The following DOCK3 variants were observed in gnomAD, a reference collection of about 807,000 sequenced individuals.
The protein encoded by DOCK3 is dedicator of cytokinesis 3.
A neutral mutation model predicts 265.6 loss-of-function variants in DOCK3; 60 were observed. That is an observed-to-expected ratio of 0.23 (90% CI 0.18 to 0.28). The LOEUF is 0.28. Ranked by LOEUF, DOCK3 falls within the 10% of genes least tolerant of loss-of-function variation. DOCK3 has a pLI of 1.00. For synonymous variants in DOCK3, 881 were observed against 938.0 expected (o/e 0.94, Z 1.11); for missense variants, 1,981 against 2,594.3 (o/e 0.76, Z 5.14).
intron 1 of DOCK3, among the ~76,000 whole-genome samples, chr3:50,681,992 T>G (rs1014920824): frequency 6.6e-6 from 1 of 152,262 alleles, no homozygotes; most frequent in African/African-American, 2.4e-5. Context: ...AATGAGAACA[T>G]TCTTCCTTAT....
chr3:51,222,614 G>A (rs941000698), intron 14 of DOCK3, among the ~76,000 whole-genome samples: 3 of 152,142 alleles, frequency 2.0e-5, no homozygotes, highest in Non-Finnish European at 2.9e-5. Flanking sequence ...TACCTAACCT[G>A]ACTGAGAATA....
chr3:51,126,263 G>A (rs1477768021), intron 9 of DOCK3, among the ~76,000 whole-genome samples: 1 of 152,146 alleles, frequency 6.6e-6, no homozygotes, highest in African/African-American at 2.4e-5. Context: ...GTCGCAAAGG[G>A]CCTATGTAGG....
At chr3:50,934,927 C>G (rs951682767) in intron 5 of DOCK3, among the ~76,000 whole-genome samples, 4 of 151,982 alleles carry the variant, frequency 2.6e-5, no homozygotes, top group African/African-American at 9.7e-5. Context: ...CAACAAAAAG[C>G]CCTGGGTAAA....
chr3:51,267,528 G>A (rs2080262152), intron 23 of DOCK3, among the ~76,000 whole-genome samples: 1 of 151,972 alleles, frequency 6.6e-6, no homozygotes, highest in Non-Finnish European at 1.5e-5. Flanking sequence ...GGGATTACAG[G>A]CGCATGCCAC....
chr3:50,766,352 T>C (rs1310223544), intron 1 of DOCK3, among the ~76,000 whole-genome samples: 1 of 142,670 alleles, frequency 7.0e-6, no homozygotes, highest in Non-Finnish European at 1.5e-5. Context: ...AATACCCACC[T>C]ATGAGTGAGA....
At chr3:50,749,219 T>C (rs2039637373) in intron 1 of DOCK3, among the ~76,000 whole-genome samples, 1 of 152,180 alleles carries the variant, frequency 6.6e-6, no homozygotes, top group African/African-American at 2.4e-5. Context: ...TTAATTAAAA[T>C]ATTGTTTTGC....
intron 2 of DOCK3, chr3:50,787,927 G>T (rs1379464127): frequency 3.9e-6 from 4 of 1,026,814 alleles, no homozygotes; most frequent in Admixed American, 3.6e-5. Flanking sequence ...CCTCCACTAT[G>T]ATCTGCTCCC....
chr3:50,675,882 CG>C lies in DOCK3; in HGVS notation c.37+584del, dbSNP rs1453135912. Among the ~76,000 whole-genome samples, 4 of 149,804 alleles carry C rather than the reference CG, an allele frequency of 2.7e-5. No homozygotes were observed. The highest frequency in any genetic ancestry group is 6.0e-5 in the Non-Finnish European group (4 of 66,798). Reference sequence around the variant, plus strand: ...TTTTGGACATGTATCAATGTTTATACGGTTTTTTTTTTAAACCCTGTTTTCA... The same window carrying C: ...TTTTGGACATGTATCAATGTTTATACGTTTTTTTTTTAAACCCTGTTTTCA... On this transcript the variant is annotated intron_variant, in intron 1 of 52. Transcript: ENST00000266037. The surrounding 1 kb of genome is among the most constrained non-coding windows in gnomAD (Gnocchi z 6.1).
chr3:50,874,078 T>G (rs1290074641), intron 3 of DOCK3, among the ~76,000 whole-genome samples: 2 of 149,852 alleles, frequency 1.3e-5, no homozygotes, highest in African/African-American at 2.4e-5. Context: ...TTTTTTTTTT[T>G]TTGTTAAATT....
At chr3:51,031,428 A>G (rs192162175) in intron 5 of DOCK3, among the ~76,000 whole-genome samples, 3 of 152,152 alleles carry the variant, frequency 2.0e-5, no homozygotes, top group African/African-American at 7.2e-5. Flanking sequence ...CACCAGCCTT[A>G]AAGTCTCTGA....
At chr3:51,220,374 G>T (rs2108292805) in intron 14 of DOCK3, among the ~76,000 whole-genome samples, 1 of 152,010 alleles carries the variant, frequency 6.6e-6, no homozygotes, top group Non-Finnish European at 1.5e-5. Flanking sequence ...AAATATTATT[G>T]GGCAGGGTGC....
chr3:51,253,692 G>A (rs1000911235), intron 22 of DOCK3, among the ~76,000 whole-genome samples: 13 of 152,054 alleles, frequency 8.5e-5, no homozygotes, highest in East Asian at 1.9e-4. Context: ...TCTGTAGTTC[G>A]TGGGATCGAT....
In DOCK3 at chr3:50,675,438, G is replaced by T. The variant is rs534061782; in HGVS notation, c.37+138G>T. 1.3e-5 allele frequency: 10 copies of T among 774,566 alleles called. No homozygotes were observed. In the South Asian group the frequency reaches 5.4e-4, roughly 42 times the overall value. The allele number at this position is 774,566 out of a possible 1,614,324, so 48.0% of individuals were successfully genotyped here. On this transcript the variant is annotated intron_variant, in intron 1 of 52. Transcript: ENST00000266037. This position sits in a 1 kb window ranked among gnomAD's most constrained non-coding sequence, Gnocchi z 6.1. ...CCTCGGCGCGGGGCGAGCGCGGGGT[G>T]GGGGCAGGTGCGGGTGCGGGTGCGG... is the stretch of plus-strand genomic sequence containing the variant.
intron 5 of DOCK3, among the ~76,000 whole-genome samples, chr3:50,958,944 C>T (rs1160689131): frequency 2.0e-5 from 3 of 152,104 alleles, no homozygotes; most frequent in Non-Finnish European, 4.4e-5. Context: ...AAAATTCATT[C>T]ATTTTAAGTA....
At chr3:50,983,757 C>G (rs1287951778) in intron 5 of DOCK3, among the ~76,000 whole-genome samples, 1 of 152,190 alleles carries the variant, frequency 6.6e-6, no homozygotes, top group East Asian at 1.9e-4. Flanking sequence ...ACCCGCCAAA[C>G]TGGTGAGGCT....
intron 1 of DOCK3, among the ~76,000 whole-genome samples, chr3:50,730,944 C>T (rs1025782812): frequency 2.6e-5 from 4 of 151,878 alleles, no homozygotes; most frequent in Non-Finnish European, 1.5e-5. Context: ...TCCTGGCTAA[C>T]GTGGTGAAAC....
At chr3:51,155,009 C>T (rs73087295) in intron 10 of DOCK3, among the ~76,000 whole-genome samples, 7,668 of 152,230 alleles carry the variant, frequency 0.05, 266 homozygotes, top group Middle Eastern at 0.079. Context: ...CAGGGTCTCA[C>T]TCTGTGGCCC....
At chr3:50,864,427 T>C (rs2047047243) in intron 3 of DOCK3, among the ~76,000 whole-genome samples, 1 of 152,194 alleles carries the variant, frequency 6.6e-6, no homozygotes, top group African/African-American at 2.4e-5. Context: ...TTGTTTGCTT[T>C]GAAGAACTTT....
chr3:50,969,999 G>A (rs141025281), intron 5 of DOCK3, among the ~76,000 whole-genome samples: 6 of 152,206 alleles, frequency 3.9e-5, no homozygotes, highest in Admixed American at 3.9e-4. Context: ...GTAAACCCGG[G>A]AGGCGGAGCT....
Sources: gnomAD v4.1 joint callset for allele counts (sites outside exome capture counted in the v4.1 genomes callset) on GRCh38, gnomAD v4.1.1 for gene constraint, Gnocchi (gnomAD v3.1) non-coding constraint, MANE v1.5 for transcripts, NCBI Gene and HGNC (gene_info 2026-07-23, HGNC 2026-07-21) for gene names.